The following DPP10 variants were observed in gnomAD, a reference collection of about 807,000 sequenced individuals.
DPP10 encodes the protein dipeptidyl peptidase like 10, also known as inactive dipeptidyl peptidase 10.
In DPP10, 33 loss-of-function variants were observed where a neutral mutation model predicts 120.9. The observed-to-expected ratio is 0.27, with a 90% CI of 0.21 to 0.37. The LOEUF (loss-of-function observed/expected upper bound fraction) is 0.37, where lower values mean the gene tolerates loss of function less well. DPP10 is among the 10% of genes least tolerant of loss of function. The pLI, the probability that DPP10 is intolerant of heterozygous loss-of-function variation, is 1.00. For synonymous variants in DPP10, 337 were observed against 326.1 expected (o/e 1.03, Z -0.36); for missense variants, 816 against 942.8 (o/e 0.87, Z 1.76).
At chr2:114,931,068 T>A (rs987200551) in intron 1 of DPP10, among the ~76,000 whole-genome samples, 2 of 152,174 alleles carry the variant, frequency 1.3e-5, no homozygotes, top group African/African-American at 4.8e-5. Flanking sequence ...GTTTCCAACT[T>A]TCTCTTGCCT....
chr2:114,847,751 T>C (rs997246499), intron 1 of DPP10, among the ~76,000 whole-genome samples: 1 of 152,202 alleles, frequency 6.6e-6, no homozygotes, highest in Non-Finnish European at 1.5e-5. Context: ...TATATTTTAT[T>C]TCAATAATCT....
intron 3 of DPP10, among the ~76,000 whole-genome samples, chr2:115,346,701 C>A (rs552926133): frequency 8.5e-5 from 13 of 152,164 alleles, no homozygotes; most frequent in Admixed American, 1.3e-4. Context: ...AATTAATCAC[C>A]AAAGAAAGAT....
intron 1 of DPP10, among the ~76,000 whole-genome samples, chr2:115,009,362 G>A (rs71418528): frequency 1.3e-5 from 2 of 151,806 alleles, no homozygotes; most frequent in African/African-American, 2.4e-5. Flanking sequence ...TCTCACTCAT[G>A]GGTGGGAATT....
chr2:114,457,000 T>C (rs1678619268), intron 1 of DPP10, among the ~76,000 whole-genome samples: 1 of 152,234 alleles, frequency 6.6e-6, no homozygotes, highest in Non-Finnish European at 1.5e-5. Flanking sequence ...ATGCTATCTA[T>C]GCCTGATCTA....
chr2:115,406,850 A>G (rs1397887917), intron 3 of DPP10, among the ~76,000 whole-genome samples: 4 of 152,154 alleles, frequency 2.6e-5, no homozygotes, highest in Admixed American at 2.0e-4. Flanking sequence ...TGTGATTTCA[A>G]CACCCTTTTC....
rs188017772 is a variant in DPP10, at chr2:115,478,337, G to A, written c.272-21173G>A. ...CAGTACTTTCAACAAATGTCATTGG[G>A]AAAATTGTTTATCTACATGCAACAG... is the stretch of plus-strand genomic sequence containing the variant. On this transcript the variant is annotated intron_variant, in intron 3 of 25. Coordinates refer to ENST00000410059, the MANE Select transcript of DPP10 (RefSeq NM_020868.6). Among the ~76,000 whole-genome samples the A allele has an allele frequency of 1.4e-3, 218 of 152,286 alleles. 1 individual carries two copies. Among genetic ancestry groups the A allele is most frequent in the Non-Finnish European group, 1.6e-3 (112 of 68,018 alleles).
chr2:115,724,614 T>C (rs1374083928), intron 7 of DPP10, among the ~76,000 whole-genome samples: 2 of 152,314 alleles, frequency 1.3e-5, no homozygotes, highest in East Asian at 1.9e-4. Context: ...GTTGACTGGC[T>C]CTGCAAATTG....
intron 1 of DPP10, among the ~76,000 whole-genome samples, chr2:115,007,516 C>T (rs1470427639): frequency 5.3e-5 from 8 of 150,584 alleles, no homozygotes; most frequent in East Asian, 1.9e-4. Flanking sequence ...AAAACTGGCA[C>T]AAGACAGGGA....
chr2:114,591,999 C>T (rs1298064034), intron 1 of DPP10, among the ~76,000 whole-genome samples: 1 of 150,288 alleles, frequency 6.7e-6, no homozygotes, highest in Non-Finnish European at 1.5e-5. Context: ...AACATACTAC[C>T]CTCAATGACA....
chr2:114,960,885 T>C (rs1165609635), intron 1 of DPP10, among the ~76,000 whole-genome samples: 3 of 152,096 alleles, frequency 2.0e-5, no homozygotes, highest in African/African-American at 7.2e-5. Flanking sequence ...GGTGGCTATA[T>C]AGCTTAAATA....
At chr2:114,727,096 ATTTC>A (rs1230258150) in intron 1 of DPP10, among the ~76,000 whole-genome samples, 4 of 152,106 alleles carry the variant, frequency 2.6e-5, no homozygotes, top group Non-Finnish European at 4.4e-5. Flanking sequence ...CAGAGAAGCT[ATTTC>A]TTTTTCACTC....
At chr2:114,874,716 T>C (rs570291115) in intron 1 of DPP10, among the ~76,000 whole-genome samples, 49 of 152,188 alleles carry the variant, frequency 3.2e-4, no homozygotes, top group African/African-American at 1.2e-3. Flanking sequence ...ATGGAAAAAG[T>C]TGTCTTCCAT....
intron 7 of DPP10, among the ~76,000 whole-genome samples, chr2:115,712,105 A>G (rs1350246903): frequency 1.3e-5 from 2 of 151,396 alleles, no homozygotes; most frequent in African/African-American, 2.4e-5. Flanking sequence ...TGATTATAAC[A>G]TTGTAATATG....
At chr2:114,474,710 A>G (rs919372939) in intron 1 of DPP10, among the ~76,000 whole-genome samples, 8 of 152,232 alleles carry the variant, frequency 5.3e-5, no homozygotes, top group South Asian at 4.1e-4. Flanking sequence ...AGTACTGTAC[A>G]TATGTCTGGG....
At chr2:115,364,198 C>T (rs999821685) in intron 3 of DPP10, among the ~76,000 whole-genome samples, 5 of 151,890 alleles carry the variant, frequency 3.3e-5, no homozygotes, top group African/African-American at 4.8e-5. Context: ...TGTATTTCCT[C>T]TCCTTTCTTT....
chr2:115,268,888 G>A (rs1042316266), intron 1 of DPP10, among the ~76,000 whole-genome samples: 1 of 144,052 alleles, frequency 6.9e-6, no homozygotes, highest in East Asian at 2.1e-4. Context: ...AGTGGCTCAC[G>A]CCTGTAATCC....
chr2:115,749,668 C>G (rs1678452876), intron 10 of DPP10, among the ~76,000 whole-genome samples: 1 of 152,164 alleles, frequency 6.6e-6, no homozygotes, highest in African/African-American at 2.4e-5. Flanking sequence ...TAACAGAGGT[C>G]TTTGTAGAAC....
chr2:114,619,414 C>G (rs1005344219), intron 1 of DPP10, among the ~76,000 whole-genome samples: 1 of 146,030 alleles, frequency 6.8e-6, no homozygotes, highest in African/African-American at 2.6e-5. Context: ...TGTGTGTGTA[C>G]ACACACATAT....
chr2:115,088,759 A>AAAAAAAC (rs1708967021), intron 1 of DPP10, among the ~76,000 whole-genome samples: 1 of 149,818 alleles, frequency 6.7e-6, no homozygotes, highest in Non-Finnish European at 1.5e-5. Flanking sequence ...ACAAAAAAAA[A>AAAAAAAC]AAAAAAAAAA....
Sources: gnomAD v4.1 joint callset for allele counts (sites outside exome capture counted in the v4.1 genomes callset) on GRCh38, gnomAD v4.1.1 for gene constraint, MANE v1.5 for transcripts, NCBI Gene and HGNC (gene_info 2026-07-23, HGNC 2026-07-21) for gene names.